The following NELL2 variants were observed in gnomAD, a reference collection of about 807,000 sequenced individuals.
NELL2 encodes neural EGFL like 2.
Under a neutral mutation model 109.6 loss-of-function variants are expected in NELL2, and 41 were observed. The ratio of observed to expected loss-of-function variants is 0.37; its 90% CI spans 0.29 to 0.49. The LOEUF (loss-of-function observed/expected upper bound fraction) is 0.49, where lower values mean the gene tolerates loss of function less well. Among genes scored for constraint, NELL2 ranks in the 20% least tolerant of loss-of-function variants. NELL2 has a pLI of 0.98. For missense variants in NELL2, 900 were observed against 1,008.3 expected (o/e 0.89, Z 1.45); for synonymous variants, 355 against 344.7 (o/e 1.03, Z -0.33).
intron 1 of NELL2, among the ~76,000 whole-genome samples, chr12:44,900,179 C>T (rs1054453603): frequency 2.0e-5 from 3 of 152,108 alleles, no homozygotes; most frequent in African/African-American, 7.2e-5. Flanking sequence ...TGTAACACCC[C>T]ACTCTCAATA....
chr12:44,831,004 G>A (rs1943870278), intron 2 of NELL2, among the ~76,000 whole-genome samples: 1 of 151,918 alleles, frequency 6.6e-6, no homozygotes, highest in African/African-American at 2.4e-5. Context: ...GACTGGACTT[G>A]CCCCATTTAC....
At chr12:44,688,504 C>T (rs1948799233) in intron 12 of NELL2, among the ~76,000 whole-genome samples, 1 of 152,170 alleles carries the variant, frequency 6.6e-6, no homozygotes, top group South Asian at 2.1e-4. Context: ...TCCCTAACAA[C>T]CTCATAAGAA....
chr12:44,636,693 T>C (rs1390577617), intron 13 of NELL2, among the ~76,000 whole-genome samples: 1 of 152,212 alleles, frequency 6.6e-6, no homozygotes, highest in African/African-American at 2.4e-5. Context: ...GCCAGCATTT[T>C]ATTGAGGATT....
intron 9 of NELL2, among the ~76,000 whole-genome samples, chr12:44,729,706 ATT>A (rs34492664): frequency 0.027 from 3,987 of 147,368 alleles, 171 homozygotes; most frequent in African/African-American, 0.092. Context: ...AGCTTCCAGG[ATT>A]TTTTTTTTTT....
At chr12:44,889,681 C>A (rs1324795018) in intron 1 of NELL2, among the ~76,000 whole-genome samples, 1 of 152,024 alleles carries the variant, frequency 6.6e-6, no homozygotes, top group Admixed American at 6.6e-5. Context: ...ATTTTTTTCT[C>A]TTCAGCCTGT....
intron 1 of NELL2, among the ~76,000 whole-genome samples, chr12:44,909,710 A>G (rs1045214857): frequency 2.0e-5 from 3 of 151,298 alleles, no homozygotes; most frequent in Non-Finnish European, 4.4e-5. Context: ...ACAGTACTCA[A>G]AACAGCATGG....
chr12:44,792,660 G>A (rs1942478038), intron 3 of NELL2, among the ~76,000 whole-genome samples: 1 of 151,998 alleles, frequency 6.6e-6, no homozygotes, highest in Non-Finnish European at 1.5e-5. Context: ...TCAACTAGAT[G>A]GATTTTTCTT....
chr12:44,848,510 C>T (rs1245734720), intron 2 of NELL2, among the ~76,000 whole-genome samples: 1 of 152,154 alleles, frequency 6.6e-6, no homozygotes, highest in Non-Finnish European at 1.5e-5. Flanking sequence ...CAGAGCAACA[C>T]ACAGACAAAC....
chr12:44,564,120 T>A (rs1464734200), intron 15 of NELL2, among the ~76,000 whole-genome samples: 1 of 152,184 alleles, frequency 6.6e-6, no homozygotes, highest in Admixed American at 6.5e-5. Context: ...ATTTCAGTGA[T>A]GAAAGGATAT....
intron 9 of NELL2, among the ~76,000 whole-genome samples, chr12:44,746,606 AAAAC>A (rs1363841322): frequency 1.3e-5 from 2 of 152,316 alleles, no homozygotes; most frequent in South Asian, 4.1e-4. Flanking sequence ...TTACAAGAAA[AAAAC>A]AAACAACCCC....
At chr12:44,749,569 T>C (rs1047970502) in intron 9 of NELL2, among the ~76,000 whole-genome samples, 1 of 152,096 alleles carries the variant, frequency 6.6e-6, no homozygotes, top group Non-Finnish European at 1.5e-5. Flanking sequence ...GAAGAAACTA[T>C]TTTGTCACCT....
chr12:44,822,970 G>A (rs1275813510), intron 2 of NELL2, among the ~76,000 whole-genome samples: 3 of 152,022 alleles, frequency 2.0e-5, no homozygotes, highest in Non-Finnish European at 2.9e-5. Context: ...GAGAGAGAGA[G>A]AGAAAGAATC....
At chr12:44,909,072 C>T (rs1439191723) in intron 1 of NELL2, among the ~76,000 whole-genome samples, 2 of 151,508 alleles carry the variant, frequency 1.3e-5, no homozygotes, top group Non-Finnish European at 3.0e-5. Context: ...ACTGGAAGTC[C>T]TAGATAGAGC....
chr12:44,752,898 T>C (rs1439834399), intron 9 of NELL2, among the ~76,000 whole-genome samples: 1 of 152,086 alleles, frequency 6.6e-6, no homozygotes, highest in Non-Finnish European at 1.5e-5. Flanking sequence ...TCTTGCTATC[T>C]CCTAAACCAT....
At chr12:44,603,352 T>C (rs575589533) in intron 15 of NELL2, among the ~76,000 whole-genome samples, 1 of 152,182 alleles carries the variant, frequency 6.6e-6, no homozygotes, top group Non-Finnish European at 1.5e-5. Context: ...TGTAGGGGAC[T>C]GTCAAATCTT....
chr12:44,511,565 G>A (rs1177230414), intron 19 of NELL2, among the ~76,000 whole-genome samples: 6 of 152,130 alleles, frequency 3.9e-5, no homozygotes, highest in African/African-American at 1.4e-4. Flanking sequence ...GGAAATTGAG[G>A]GGGAAATATC....
chr12:44,783,520 A>T (rs2136608284), intron 3 of NELL2, among the ~76,000 whole-genome samples: 1 of 152,126 alleles, frequency 6.6e-6, no homozygotes, highest in East Asian at 1.9e-4. Context: ...AGGAGATTTC[A>T]TTACAGACCC....
chr12:44,876,414 G>T (rs1945327592), upstream of NELL2: 1 of 1,272,414 alleles, frequency 7.9e-7, no homozygotes, highest in Non-Finnish European at 9.9e-7. Context: ...GCCGCCGAGG[G>T]CGAGGCCGGC....
intron 17 of NELL2, 122 bp from the exon 18 acceptor site, chr12:44,522,298 C>CCTG: frequency 1.4e-6 from 1 of 706,146 alleles, no homozygotes; most frequent in Non-Finnish European, 2.1e-6. Flanking sequence ...CACTGCTTAT[C>CCTG]TGATATAATA....
Sources: gnomAD v4.1 joint callset for allele counts (sites outside exome capture counted in the v4.1 genomes callset) on GRCh38, gnomAD v4.1.1 for gene constraint, MANE v1.5 for transcripts, NCBI Gene and HGNC (gene_info 2026-07-23, HGNC 2026-07-21) for gene names.